The following EFNA5 variants were observed in gnomAD, a reference collection of about 807,000 sequenced individuals.
The protein encoded by EFNA5 is ephrin-A5.
A neutral mutation model predicts 22.9 loss-of-function variants in EFNA5; 5 were observed. The observed-to-expected ratio is 0.22, with a 90% confidence interval of 0.11 to 0.46. The LOEUF (loss-of-function observed/expected upper bound fraction) is 0.46, where lower values mean the gene tolerates loss of function less well. Among genes scored for constraint, EFNA5 ranks in the 20% least tolerant of loss-of-function variants. EFNA5 has a pLI of 0.99. For missense variants in EFNA5, 237 were observed against 293.3 expected (o/e 0.81, Z 1.40); for synonymous variants, 113 against 112.2 (o/e 1.01, Z -0.04).
chr5:107,576,591 C>A (rs746181032), intron 1 of EFNA5, among the ~76,000 whole-genome samples: 5 of 152,140 alleles, frequency 3.3e-5, no homozygotes, highest in Non-Finnish European at 5.9e-5. Context: ...CATAAATTTA[C>A]CCATGGAAAT....
At chr5:107,439,828 T>G (rs1316463097) in intron 1 of EFNA5, among the ~76,000 whole-genome samples, 1 of 152,208 alleles carries the variant, frequency 6.6e-6, no homozygotes, top group Non-Finnish European at 1.5e-5. Context: ...ACATATTCCA[T>G]TTTACCTTTC....
intron 1 of EFNA5, among the ~76,000 whole-genome samples, chr5:107,443,652 T>C (rs1003380449): frequency 2.6e-5 from 4 of 152,074 alleles, no homozygotes; most frequent in Non-Finnish European, 2.9e-5. Context: ...TAAGTGGGAA[T>C]TGAACAATGA....
At chr5:107,650,867 T>C (rs1750714995) in intron 1 of EFNA5, among the ~76,000 whole-genome samples, 2 of 152,184 alleles carry the variant, frequency 1.3e-5, no homozygotes, top group African/African-American at 4.8e-5. Context: ...ATATACAGAT[T>C]GTACATACAC....
At chr5:107,448,426 T>C (rs140374284) in intron 1 of EFNA5, among the ~76,000 whole-genome samples, 153 of 152,330 alleles carry the variant, frequency 1.0e-3, no homozygotes, top group African/African-American at 3.6e-3. Context: ...CTTCAGCTTC[T>C]TATGACTGCA....
At chr5:107,494,369 T>TG (rs1257901640) in intron 1 of EFNA5, among the ~76,000 whole-genome samples, 1 of 152,090 alleles carries the variant, frequency 6.6e-6, no homozygotes, top group African/African-American at 2.4e-5. Context: ...GCCCGGGCAG[T>TG]GAGGGGCTTA....
At chr5:107,442,599 C>T (rs1397666897) in intron 1 of EFNA5, among the ~76,000 whole-genome samples, 1 of 152,122 alleles carries the variant, frequency 6.6e-6, no homozygotes, top group Non-Finnish European at 1.5e-5. Flanking sequence ...AGCTGAATTA[C>T]AAACTGTTTC....
intron 1 of EFNA5, among the ~76,000 whole-genome samples, chr5:107,553,858 A>G (rs1200863515): frequency 1.3e-5 from 2 of 152,192 alleles, no homozygotes; most frequent in Non-Finnish European, 2.9e-5. Context: ...TCACAGAGTC[A>G]GTTAAAAAGG....
intron 4 of EFNA5, among the ~76,000 whole-genome samples, chr5:107,384,083 C>T (rs1347479597): frequency 6.6e-6 from 1 of 152,080 alleles, no homozygotes; most frequent in Admixed American, 6.6e-5. Context: ...TTCTACAGCC[C>T]CCAAATGTGA....
intron 1 of EFNA5, among the ~76,000 whole-genome samples, chr5:107,611,247 A>G (rs1053490478): frequency 1.3e-5 from 2 of 152,238 alleles, no homozygotes; most frequent in Non-Finnish European, 2.9e-5. Context: ...AAGAAAAGCT[A>G]CAAAAATCGT....
chr5:107,517,647 G>A (rs1747510007), intron 1 of EFNA5, among the ~76,000 whole-genome samples: 1 of 152,134 alleles, frequency 6.6e-6, no homozygotes, highest in South Asian at 2.1e-4. Context: ...CAAACAAATT[G>A]CGCTGCATTA....
At chr5:107,384,975 T>C (rs1335755526) in intron 4 of EFNA5, among the ~76,000 whole-genome samples, 1 of 151,844 alleles carries the variant, frequency 6.6e-6, no homozygotes, top group Non-Finnish European at 1.5e-5. Flanking sequence ...CAACCTTGTC[T>C]CACTTTGTTA....
intron 1 of EFNA5, among the ~76,000 whole-genome samples, chr5:107,648,099 A>G (rs865790680): frequency 6.6e-6 from 1 of 152,198 alleles, no homozygotes; most frequent in South Asian, 2.1e-4. Context: ...TTTTGCCTAA[A>G]TCATTCTTGC....
chr5:107,491,691 T>A (rs1214736985), intron 1 of EFNA5, among the ~76,000 whole-genome samples: 1 of 152,222 alleles, frequency 6.6e-6, no homozygotes, highest in Admixed American at 6.5e-5. Context: ...ACAAAATCTA[T>A]GTGCAAAGAT....
At chr5:107,587,241 C>T (rs902552177) in intron 1 of EFNA5, among the ~76,000 whole-genome samples, 2 of 152,154 alleles carry the variant, frequency 1.3e-5, no homozygotes, top group African/African-American at 4.8e-5. Context: ...CCTTCTCCCC[C>T]TCCTGTCCTT....
intron 1 of EFNA5, among the ~76,000 whole-genome samples, chr5:107,552,878 T>C (rs1412628928): frequency 6.6e-6 from 1 of 152,222 alleles, no homozygotes; most frequent in African/African-American, 2.4e-5. Context: ...TTCTGACATT[T>C]TGAGCAATAA....
At chr5:107,564,738 G>C (rs937736016) in intron 1 of EFNA5, among the ~76,000 whole-genome samples, 1 of 150,512 alleles carries the variant, frequency 6.6e-6, no homozygotes, top group African/African-American at 2.5e-5. Context: ...TTTTCTCAAG[G>C]GTCCTTTTTC....
At chr5:107,495,858 G>T (rs1436078411) in intron 1 of EFNA5, among the ~76,000 whole-genome samples, 1 of 152,172 alleles carries the variant, frequency 6.6e-6, no homozygotes, top group African/African-American at 2.4e-5. Context: ...TTGCCTGGAA[G>T]TGGATTCCAG....
At chr5:107,408,371 T>C (rs1335973458) in intron 2 of EFNA5, among the ~76,000 whole-genome samples, 1 of 152,174 alleles carries the variant, frequency 6.6e-6, no homozygotes, top group Non-Finnish European at 1.5e-5. Context: ...TACAACCAAT[T>C]TGATCCTGAA....
rs541961772 is a variant in EFNA5, at chr5:107,511,326, C to T, written c.126-83817G>A. Among the ~76,000 whole-genome samples the T allele has an allele frequency of 4.6e-5, 7 of 151,916 alleles. No homozygotes were observed. The South Asian group carries it at 1.5e-3, about 32-fold the overall frequency. The stretch of plus-strand genomic sequence containing the variant: ...CAAGAGTGAGCCACTGCTCCCGGCA[C>T]CATAGTTGCATTTCTAAATATAAAA... On this transcript the variant is annotated intron_variant, in intron 1 of 4. Coordinates refer to ENST00000333274, the MANE Select transcript of EFNA5 (RefSeq NM_001962.3).
Sources: gnomAD v4.1 joint callset for allele counts (sites outside exome capture counted in the v4.1 genomes callset) on GRCh38, gnomAD v4.1.1 for gene constraint, MANE v1.5 for transcripts, NCBI Gene and HGNC (gene_info 2026-07-23, HGNC 2026-07-21) for gene names.